OGFOD3: variants seen among roughly 807,000 people sequenced by gnomAD.
OGFOD3 encodes the protein 2-oxoglutarate and iron dependent oxygenase domain containing 3.
A neutral mutation model predicts 39.8 loss-of-function variants in OGFOD3; 35 were observed. The observed-to-expected ratio is 0.88, with a 90% CI of 0.67 to 1.17. The LOEUF is 1.17. OGFOD3 is among the 50% of genes most tolerant of loss of function. OGFOD3 has a pLI of 0.00. For synonymous variants in OGFOD3, 200 were observed against 192.0 expected (o/e 1.04, Z -0.34); for missense variants, 438 against 454.5 (o/e 0.96, Z 0.33).
chr17:82,411,983 C>T (rs1437379330), intron 2 of OGFOD3, among the ~76,000 whole-genome samples: 1 of 151,174 alleles, frequency 6.6e-6, no homozygotes, highest in African/African-American at 2.4e-5. Context: ...AGGGGGGAAC[C>T]CTCCTGAGAC....
intron 1 of OGFOD3, among the ~76,000 whole-genome samples, chr17:82,417,618 C>CAAAAAAAAA (rs11413297): frequency 4.7e-5 from 6 of 127,612 alleles, no homozygotes; most frequent in African/African-American, 1.8e-4. Context: ...GCCTCTGTCT[C>CAAAAAAAAA]AAAAAAAAAA....
At position 82,402,295 on chromosome 17, in the gene OGFOD3, C is replaced by T. The variant is rs1016227707; in HGVS notation, c.699+1642G>A. Among the ~76,000 whole-genome samples the T allele has an allele frequency of 2.8e-4, 42 of 151,730 alleles. 1 individual carries two copies. Among genetic ancestry groups the T allele is most frequent in the Non-Finnish European group, 1.5e-4 (10 of 67,962 alleles). ...AATAAAAATACAAAAATTAGCTGGG[C>T]GTGGTGGTGCATGCCTGTAGTCCCA... On this transcript the variant is annotated intron_variant, in intron 7 of 8. Coordinates refer to ENST00000313056, the MANE Select transcript of OGFOD3 (RefSeq NM_024648.3).
intron 7 of OGFOD3, among the ~76,000 whole-genome samples, chr17:82,399,556 C>T (rs113205017): frequency 0.01 from 1,576 of 152,272 alleles, 29 homozygotes; most frequent in African/African-American, 0.035. Flanking sequence ...GTGCAGCCAC[C>T]GCACCGTCCT....
chr17:82,399,795 C>T (rs1018238547), intron 7 of OGFOD3, among the ~76,000 whole-genome samples: 1 of 152,218 alleles, frequency 6.6e-6, no homozygotes, highest in Non-Finnish European at 1.5e-5. Flanking sequence ...TGGGGCCACG[C>T]CCTGGGGGTG....
rs1240791740 is a variant in OGFOD3 at position 82,411,696 on chromosome 17, G to C, written c.305-166C>G. The C allele has an allele frequency of 1.6e-5, 9 of 576,950 alleles. 1 individual carries two copies. The South Asian group carries it at 1.9e-4, about 12-fold the overall frequency. 35.7% of individuals were successfully genotyped at this position (576,950 alleles called of 1,614,324 possible). On this transcript the variant is annotated intron_variant, in intron 2 of 8. Coordinates refer to ENST00000313056, the MANE Select transcript of OGFOD3 (RefSeq NM_024648.3). ...ATGCGCTTTGTGCGGTGCATCTGGA[G>C]TTCACGTCTCACTGGGCCACCTTGG... is the stretch of plus-strand genomic sequence containing the variant.
At position 82,406,493 on chromosome 17, in the gene OGFOD3, CGTT is replaced by C. The variant is rs748346274; in HGVS notation, c.424-14_424-12del. 34 of 1,613,522 alleles carry C rather than the reference CGTT, an allele frequency of 2.1e-5. 1 individual carries two copies. In the South Asian group the frequency reaches 3.2e-4, roughly 15 times the overall value. On this transcript the variant is annotated splice_polypyrimidine_tract_variant and intron_variant, in intron 4 of 8. Coordinates refer to ENST00000313056, the MANE Select transcript of OGFOD3 (RefSeq NM_024648.3). This position sits in a 1 kb window ranked among gnomAD's most constrained non-coding sequence, Gnocchi z 5.2. Reference sequence around the variant, plus strand: ...GTCCAGAATGGATGCCTGGAAAAGACGTTGTGGAGTAAAGCGTGCAGCCGCAGC... The same window carrying C: ...GTCCAGAATGGATGCCTGGAAAAGACGTGGAGTAAAGCGTGCAGCCGCAGC...
chr17:82,418,431 C>G lies in OGFOD3; in HGVS notation c.55G>C (p.Glu19Gln). The G allele has an allele frequency of 6.8e-7, 1 of 1,478,904 alleles. No homozygotes were observed. Among genetic ancestry groups the G allele is most frequent in the Non-Finnish European group, 8.9e-7 (1 of 1,120,770 alleles). 91.6% of individuals were successfully genotyped at this position (1,478,904 alleles called of 1,614,324 possible). A position where few individuals can be genotyped will look rare whatever the true frequency, so the allele number is the denominator to read the frequency against. ...TKAPEGNGAA[E>Q]RRNRSSTKKD... ...CGCTACCTGCTCCGGTTCCGGCGCT[C>G]GGCCGCTCCGTTGCCCTCGGGCGCC... is the stretch of plus-strand genomic sequence containing the variant. Residue 19 changes from glutamate to glutamine, a missense_variant, in exon 1 of 9, where the codon GAG (glutamate) becomes CAG (glutamine). By Grantham distance (29) the Glu-to-Gln change is conservative. Transcript: ENST00000313056.
Position 82,411,327 on chromosome 17 carries a change from G to C in OGFOD3, c.380+128C>G, listed in dbSNP as rs1004504069. ...CTCCCCAAGTGCTGGGATTACAGGCGTGAGCCACCACGCCTGGCAATAAAA... is the reference window on the plus strand; with the variant it reads ...CTCCCCAAGTGCTGGGATTACAGGCCTGAGCCACCACGCCTGGCAATAAAA... On this transcript the variant is annotated intron_variant, in intron 3 of 8. Transcript: ENST00000313056. 33 of 808,906 alleles carry C rather than the reference G, an allele frequency of 4.1e-5. No homozygotes were observed. In the African/African-American group the frequency reaches 5.3e-4, roughly 13 times the overall value. The allele number at this position is 808,906 out of a possible 1,614,324, so 50.1% of individuals were successfully genotyped here.
intron 7 of OGFOD3, among the ~76,000 whole-genome samples, chr17:82,400,485 A>G (rs1370830681): frequency 6.6e-6 from 1 of 152,196 alleles, no homozygotes; most frequent in Non-Finnish European, 1.5e-5. Flanking sequence ...AAGAAGGAAC[A>G]ATTGCCAAAA....
chr17:82,394,602 G>A (rs948669728), intron 8 of OGFOD3: 8 of 1,401,114 alleles, frequency 5.7e-6, no homozygotes, highest in East Asian at 2.3e-5. Flanking sequence ...CCTGGGCGGT[G>A]CACACCCTAC....
rs188178323 is a variant in OGFOD3, at chr17:82,411,442, G to A, written c.380+13C>T. The A allele has an allele frequency of 8.4e-3, 13,547 of 1,612,888 alleles. 74 individuals carry two copies. Among genetic ancestry groups the A allele is most frequent in the Middle Eastern group, 0.017 (103 of 6,052 alleles). On this transcript the variant is annotated intron_variant, in intron 3 of 8. Transcript: ENST00000313056. ...TTGTTTGAATCCCACCGTGCTCAGGGACAGGCGGTTACCTGCGAATCCGCT... is the reference window on the plus strand; with the variant it reads ...TTGTTTGAATCCCACCGTGCTCAGGAACAGGCGGTTACCTGCGAATCCGCT...
In OGFOD3 at chr17:82,392,134, G is replaced by A; in HGVS notation, c.*264C>T. 2 of 526,714 alleles carry A rather than the reference G, an allele frequency of 3.8e-6. No individual in the cohort carries two copies. Among genetic ancestry groups the A allele is most frequent in the East Asian group, 3.4e-5 (1 of 29,646 alleles). The allele number at this position is 526,714 out of a possible 1,614,324, so 32.6% of individuals were successfully genotyped here. A position where few individuals can be genotyped will look rare whatever the true frequency, so the allele number is the denominator to read the frequency against. ...CCCGTCCATTCACAGATGGGGACTT[G>A]TGCCCCGTCCTGCTGGGTCCCTTTC... On this transcript the variant is annotated 3_prime_UTR_variant, in exon 9 of 9. Transcript: ENST00000313056. This position sits in a 1 kb window ranked among gnomAD's most constrained non-coding sequence, Gnocchi z 4.2.
intron 2 of OGFOD3, among the ~76,000 whole-genome samples, chr17:82,413,038 C>A (rs1454409086): frequency 6.6e-6 from 1 of 152,106 alleles, no homozygotes; most frequent in Non-Finnish European, 1.5e-5. Flanking sequence ...AAACAGAGCT[C>A]CACTTGGCTG....
At position 82,415,706 on chromosome 17, in the gene OGFOD3, G is replaced by T; in HGVS notation, c.75-79C>A. 1 of 1,282,802 alleles carries T rather than the reference G, an allele frequency of 7.8e-7. No individual in the cohort carries two copies. The highest frequency in any genetic ancestry group is 1.1e-6 in the Non-Finnish European group (1 of 930,796). 79.5% of individuals were successfully genotyped at this position (1,282,802 alleles called of 1,614,324 possible). A position where few individuals can be genotyped will look rare whatever the true frequency, so the allele number is the denominator to read the frequency against. ...ACGCTCCCCGATCATCAAAGTGCAT[G>T]CACCATGACCCGGCCTTCACTCACA... On this transcript the variant is annotated intron_variant, in intron 1 of 8. Coordinates refer to ENST00000313056, the MANE Select transcript of OGFOD3 (RefSeq NM_024648.3). The surrounding 1 kb of genome is among the most constrained non-coding windows in gnomAD (Gnocchi z 5.3).
Position 82,392,363 on chromosome 17 carries a change from G to C in OGFOD3, c.*35C>G. 1.9e-6 allele frequency: 3 copies of C among 1,597,090 alleles called. No homozygotes were observed. The highest frequency in any genetic ancestry group is 1.3e-5 in the African/African-American group (1 of 74,792). ...ACGACTGGCGCGGCTGCCTCCACAC[G>C]GGCCCTCCTGAAGTTACCTTGGCCC... On this transcript the variant is annotated 3_prime_UTR_variant, in exon 9 of 9. Transcript: ENST00000313056. The surrounding 1 kb of genome is among the most constrained non-coding windows in gnomAD (Gnocchi z 4.2).
rs1386324609 is a variant in OGFOD3, at chr17:82,404,509, C to T, written c.546-419G>A. 6.6e-6 allele frequency among the ~76,000 whole-genome samples: 1 copy of T among 151,922 alleles called. No individual in the cohort carries two copies. The highest frequency in any genetic ancestry group is 1.5e-5 in the Non-Finnish European group (1 of 67,950). Reference sequence around the variant, plus strand: ...GACGTGGGGAGAGGGGAGTGGGTGTCGAGCCTGCTAAGTGTGGATGGGGTG... The same window carrying T: ...GACGTGGGGAGAGGGGAGTGGGTGTTGAGCCTGCTAAGTGTGGATGGGGTG... On this transcript the variant is annotated intron_variant, in intron 6 of 8. Coordinates refer to ENST00000313056, the MANE Select transcript of OGFOD3 (RefSeq NM_024648.3). This position sits in a 1 kb window ranked among gnomAD's most constrained non-coding sequence, Gnocchi z 4.5.
At position 82,409,355 on chromosome 17, in the gene OGFOD3, A is replaced by G. The variant is rs774696299; in HGVS notation, c.423+13T>C. 67 of 1,613,266 alleles carry G rather than the reference A, an allele frequency of 4.2e-5. No individual in the cohort carries two copies. Among genetic ancestry groups the G allele is most frequent in the Non-Finnish European group, 5.0e-5 (59 of 1,179,440 alleles). On this transcript the variant is annotated intron_variant, in intron 4 of 8. Transcript: ENST00000313056. Reference sequence around the variant, plus strand: ...GGGTAAAAAAAGGGGGGCAGGGACTACATTCAACTCACCCCTCCGTCAGAT... The same window carrying G: ...GGGTAAAAAAAGGGGGGCAGGGACTGCATTCAACTCACCCCTCCGTCAGAT...
intron 1 of OGFOD3, among the ~76,000 whole-genome samples, chr17:82,418,001 G>A (rs2053098151): frequency 6.6e-6 from 1 of 152,120 alleles, no homozygotes; most frequent in Admixed American, 6.5e-5. Context: ...AGAATTCCAC[G>A]GGGAAAGCAG....
Position 82,392,583 on chromosome 17 carries a change from C to A in OGFOD3, c.824-49G>T. On this transcript the variant is annotated intron_variant, in intron 8 of 8. Coordinates refer to ENST00000313056, the MANE Select transcript of OGFOD3 (RefSeq NM_024648.3). The surrounding 1 kb of genome is among the most constrained non-coding windows in gnomAD (Gnocchi z 4.2). ...GTGGCCATAGAGCCACACCCACGGC[C>A]ACAGCCTTCAGAGGGTCTGCGGTCA... 1 of 1,550,248 alleles carries A rather than the reference C, an allele frequency of 6.5e-7. No homozygotes were observed. The highest frequency in any genetic ancestry group is 1.2e-5 in the South Asian group (1 of 83,406).
Sources: allele counts gnomAD v4.1 joint callset (sites outside exome capture counted in the v4.1 genomes callset), GRCh38; gene constraint gnomAD v4.1.1; non-coding constraint Gnocchi (gnomAD v3.1); transcripts MANE v1.5; gene names NCBI Gene and HGNC (gene_info 2026-07-23, HGNC 2026-07-21).